PRKDC: variants seen among roughly 807,000 people sequenced by gnomAD.
PRKDC encodes the protein protein kinase, DNA-activated, catalytic subunit.
A neutral mutation model predicts 486.9 loss-of-function variants in PRKDC; 82 were observed. That is an observed-to-expected ratio of 0.17 (90% CI 0.14 to 0.20). PRKDC has a LOEUF of 0.20. PRKDC is among the 10% of genes least tolerant of loss of function. PRKDC has a pLI of 1.00. For synonymous variants in PRKDC, 1,895 were observed against 1,837.0 expected (o/e 1.03, Z -0.81); for missense variants, 4,504 against 5,038.2 (o/e 0.89, Z 3.21).
At chr8:47,899,048 C>T (rs1265847269) in intron 28 of PRKDC, among the ~76,000 whole-genome samples, 1 of 152,208 alleles carries the variant, frequency 6.6e-6, no homozygotes, top group Admixed American at 6.5e-5. Context: ...GTAATACAGC[C>T]TCTGGAGAAG....
intron 54 of PRKDC, among the ~76,000 whole-genome samples, chr8:47,843,996 A>G (rs1314106023): frequency 6.6e-6 from 1 of 152,244 alleles, no homozygotes; most frequent in Non-Finnish European, 1.5e-5. Context: ...TTAAGTCTAC[A>G]AAACAACCAG....
At position 47,927,893 on chromosome 8, in the gene PRKDC, T is replaced by C; in HGVS notation, c.2140-3A>G. 1 of 1,556,278 alleles carries C rather than the reference T, an allele frequency of 6.4e-7. No individual in the cohort carries two copies. The highest frequency in any genetic ancestry group is 8.7e-7 in the Non-Finnish European group (1 of 1,154,550). On this transcript the variant is annotated splice_polypyrimidine_tract_variant and splice_region_variant and intron_variant, in intron 19 of 85. Transcript: ENST00000314191. ...TACTGCTTCATTTTAACTGCCACCT[T>C]AACAAGAAAGAAGACAGTAATGTAT...
Position 47,900,418 on chromosome 8 carries a change from A to T in PRKDC, c.3319T>A (p.Tyr1107Asn). 2 of 1,612,140 alleles carry T rather than the reference A, an allele frequency of 1.2e-6. No homozygotes were observed. The highest frequency in any genetic ancestry group is 1.7e-6 in the Non-Finnish European group (2 of 1,179,208). Residue 1107 changes from tyrosine (Y) to asparagine (N), a missense_variant, in exon 28 of 86, where the codon TAC (tyrosine) becomes AAC (asparagine). Tyr to Asn is a moderately radical substitution (Grantham distance 143). Coordinates refer to ENST00000314191, the MANE Select transcript of PRKDC (RefSeq NM_006904.7). ...EQFVFEALVI[Y>N]MESLALAHAD... ...TGTGCTAAGGCCAGACTCTCCATGT[A>T]TATCACCAAGGCTTCAAACACAAAC...
chr8:47,881,609 A>G (rs1253976304), intron 37 of PRKDC, 89 bp from the exon 38 acceptor site: 1 of 719,262 alleles, frequency 1.4e-6, no homozygotes, highest in Non-Finnish European at 2.2e-6. Context: ...AATTCCAGAA[A>G]TGAATTGTTA....
At chr8:47,929,743 TTAG>T in intron 18 of PRKDC, 107 bp downstream of exon 18, 1 of 1,187,016 alleles carries the variant, frequency 8.4e-7, no homozygotes, top group Non-Finnish European at 1.1e-6. Flanking sequence ...TAGAATAAAA[TTAG>T]TAGACTTTAA....
chr8:47,885,886 T>C, intron 36 of PRKDC, 58 bp downstream of exon 36: 2 of 1,534,672 alleles, frequency 1.3e-6, no homozygotes, highest in East Asian at 2.2e-5. Context: ...TGCAAGACTC[T>C]GTCTCAAACA....
At chr8:47,919,095 A>G (rs1220563984) in intron 21 of PRKDC, among the ~76,000 whole-genome samples, 1 of 152,148 alleles carries the variant, frequency 6.6e-6, no homozygotes, top group Non-Finnish European at 1.5e-5. Flanking sequence ...CCACAAGGAC[A>G]GTCTCCCACA....
chr8:47,779,145 G>T, intron 80 of PRKDC, 52 bp from the exon 81 acceptor site: 2 of 1,301,526 alleles, frequency 1.5e-6, no homozygotes, highest in South Asian at 1.4e-5. Flanking sequence ...AGCATTATGT[G>T]ATTTCAAAGG....
chr8:47,931,563 C>A (rs2090254109), intron 16 of PRKDC, among the ~76,000 whole-genome samples: 1 of 151,808 alleles, frequency 6.6e-6, no homozygotes, highest in Non-Finnish European at 1.5e-5. Context: ...AACCACACAT[C>A]AGTGTTGCTA....
intron 31 of PRKDC, among the ~76,000 whole-genome samples, chr8:47,890,886 T>A (rs535552785): frequency 1.3e-5 from 2 of 152,330 alleles, no homozygotes; most frequent in East Asian, 3.9e-4. Flanking sequence ...GTTGTAAGAA[T>A]CTTCTTTTTA....
At chr8:47,893,857 ACTT>A (rs1439823422) in intron 30 of PRKDC, among the ~76,000 whole-genome samples, 1 of 152,214 alleles carries the variant, frequency 6.6e-6, no homozygotes, top group African/African-American at 2.4e-5. Flanking sequence ...TAAATATTAA[ACTT>A]CTTCTAAATT....
At chr8:47,777,374 A>G (rs1460272786) in intron 84 of PRKDC, among the ~76,000 whole-genome samples, 1 of 151,952 alleles carries the variant, frequency 6.6e-6, no homozygotes, top group Non-Finnish European at 1.5e-5. Flanking sequence ...ACGCCCAGCT[A>G]ATTTCTGTAT....
intron 40 of PRKDC, among the ~76,000 whole-genome samples, chr8:47,871,792 T>C (rs1036989831): frequency 6.6e-6 from 1 of 151,720 alleles, no homozygotes; most frequent in African/African-American, 2.4e-5. Context: ...GGTTTCATCA[T>C]GTTGACCAGG....
chr8:47,945,486 A>G (rs2090517783), intron 7 of PRKDC, among the ~76,000 whole-genome samples: 1 of 152,186 alleles, frequency 6.6e-6, no homozygotes, highest in Admixed American at 6.5e-5. Context: ...ACCTCGTGTG[A>G]GTGAAACCAC....
Position 47,855,225 on chromosome 8 carries a change from T to TAAGG in PRKDC, c.6754_6757dup (p.Tyr2253SerfsTer3). The TAAGG allele has an allele frequency of 6.3e-7, 1 of 1,599,904 alleles. No homozygotes were observed. On this transcript the variant is annotated frameshift_variant, in exon 50 of 86. Transcript: ENST00000314191. LOFTEE classifies it high-confidence loss of function. ...CTGCAAAAACCAGTAAACATACCTA[T>TAAGG]AAGGGATGGATAAACAATCCTTCCA...
intron 25 of PRKDC, among the ~76,000 whole-genome samples, chr8:47,910,096 ATT>A (rs2089869107): frequency 6.6e-6 from 1 of 151,920 alleles, no homozygotes; most frequent in Admixed American, 6.6e-5. Flanking sequence ...CGGGTGTAAC[ATT>A]TCTCTCTTTG....
chr8:47,914,311 C>G (rs1383159255), intron 23 of PRKDC, among the ~76,000 whole-genome samples: 1 of 151,986 alleles, frequency 6.6e-6, no homozygotes, highest in African/African-American at 2.4e-5. Flanking sequence ...TATCCAAATT[C>G]AGTAAGAGTT....
chr8:47,777,615 C>G, intron 84 of PRKDC, 71 bp downstream of exon 84: 1 of 1,406,468 alleles, frequency 7.1e-7, no homozygotes, highest in South Asian at 1.4e-5. Context: ...TTCCATCATA[C>G]ACGAGAGATA....
At chr8:47,815,763 C>A (rs2087429879) in intron 68 of PRKDC, among the ~76,000 whole-genome samples, 1 of 152,124 alleles carries the variant, frequency 6.6e-6, no homozygotes, top group Non-Finnish European at 1.5e-5. Flanking sequence ...TGGTTTGGGC[C>A]AGGAGTCATC....
Sources: allele counts gnomAD v4.1 joint callset (sites outside exome capture counted in the v4.1 genomes callset), GRCh38; gene constraint gnomAD v4.1.1; transcripts MANE v1.5; gene names NCBI Gene and HGNC (gene_info 2026-07-23, HGNC 2026-07-21).